Variants in S100A7A observed in about 807,000 individuals in gnomAD.
The protein encoded by S100A7A is protein S100-A7A.
A neutral mutation model predicts 4.0 loss-of-function variants in S100A7A; 5 were observed. The ratio of observed to expected loss-of-function variants is 1.26; its 90% CI spans 0.66 to 2.66. S100A7A has a LOEUF of 2.66. Among genes scored for constraint, S100A7A ranks in the 30% most tolerant of loss-of-function variants. The probability of loss-of-function intolerance (pLI) is 0.01; values close to 1 mark genes in which losing one functional copy is unlikely to be tolerated. For synonymous variants in S100A7A, 52 were observed against 46.4 expected (o/e 1.12, Z -0.49); for missense variants, 159 against 125.1 (o/e 1.27, Z -1.29).
In S100A7A at chr1:153,418,233, G is replaced by T. The variant is rs202015456; in HGVS notation, c.141+10G>T. ...TTTCCTCAGTGCCTGTGTGAGTTGG[G>T]GTCTAGCTTCTCAATGTTGGTTGGA... On this transcript the variant is annotated intron_variant, in intron 2 of 2. Coordinates refer to ENST00000368729, the MANE Select transcript of S100A7A (RefSeq NM_176823.4). 2.2e-3 allele frequency: 3,568 copies of T among 1,612,742 alleles called. 75 individuals are homozygous for T. In the South Asian group the frequency reaches 0.024, roughly 11 times the overall value.
rs1479551726 is a variant in S100A7A, at chr1:153,419,991, C to T, written c.*682C>T. 1 of 152,558 alleles carries T rather than the reference C, an allele frequency of 6.6e-6. No individual in the cohort carries two copies. The highest frequency in any genetic ancestry group is 1.5e-5 in the Non-Finnish European group (1 of 68,240). The allele number at this position is 152,558 out of a possible 1,614,324, so 9.5% of individuals were successfully genotyped here. On this transcript the variant is annotated 3_prime_UTR_variant, in exon 3 of 3. Transcript: ENST00000368729. ...GGAGTCACTGTGATGCTTAGCTGTC[C>T]TAAATGATGGTTTGCTCAATGCCAG...
At position 153,420,659 on chromosome 1, in the gene S100A7A, T is replaced by C. The variant is rs1288117302; in HGVS notation, c.*1350T>C. On this transcript the variant is annotated 3_prime_UTR_variant, in exon 3 of 3. Coordinates refer to ENST00000368729, the MANE Select transcript of S100A7A (RefSeq NM_176823.4). ...GAACATATTCTGCACCTCGTCAGCC[T>C]TCAGGACTGATCTGCCATTTTCACC... The C allele has an allele frequency of 6.6e-6, 1 of 152,330 alleles. No individual in the cohort carries two copies. The highest frequency in any genetic ancestry group is 2.4e-5 in the African/African-American group (1 of 41,462). 9.4% of individuals were successfully genotyped at this position (152,330 alleles called of 1,614,324 possible).
rs1456682483 is a variant in S100A7A at position 153,419,533 on chromosome 1, G to T, written c.*224G>T. 27 of 582,148 alleles carry T rather than the reference G, an allele frequency of 4.6e-5. No homozygotes were observed. Among genetic ancestry groups the T allele is most frequent in the East Asian group, 3.7e-4 (13 of 34,672 alleles). 36.1% of individuals were successfully genotyped at this position (582,148 alleles called of 1,614,324 possible). On this transcript the variant is annotated 3_prime_UTR_variant, in exon 3 of 3. Coordinates refer to ENST00000368729, the MANE Select transcript of S100A7A (RefSeq NM_176823.4). The stretch of plus-strand genomic sequence containing the variant: ...CTATGGCCTCCAGCAGAGCTGATCT[G>T]CCTCTCACACAGGTCCTGGTGTCTG...
chr1:153,418,938 T>A (rs564964170), intron 2 of S100A7A, among the ~76,000 whole-genome samples: 1 of 152,212 alleles, frequency 6.6e-6, no homozygotes, highest in Non-Finnish European at 1.5e-5. Context: ...TCCTGAGGTG[T>A]GAGACAAAAA....
At position 153,421,284 on chromosome 1, in the gene S100A7A, A is replaced by G. The variant is rs1476414666; in HGVS notation, c.*1975A>G. ...GTGAACCACCATCCCTTCACCCCAA[A>G]GAAATGATCTCTGCTTCATTTGTGC... On this transcript the variant is annotated 3_prime_UTR_variant, in exon 3 of 3. Transcript: ENST00000368729. 1 of 152,212 alleles carries G rather than the reference A, an allele frequency of 6.6e-6. No homozygotes were observed. Among genetic ancestry groups the G allele is most frequent in the Non-Finnish European group, 1.5e-5 (1 of 68,044 alleles). The allele number at this position is 152,212 out of a possible 1,614,324, so 9.4% of individuals were successfully genotyped here. A position where few individuals can be genotyped will look rare whatever the true frequency, so the allele number is the denominator to read the frequency against.
At position 153,421,331 on chromosome 1, in the gene S100A7A, C is replaced by T. The variant is rs927204294; in HGVS notation, c.*2022C>T. On this transcript the variant is annotated 3_prime_UTR_variant, in exon 3 of 3. Coordinates refer to ENST00000368729, the MANE Select transcript of S100A7A (RefSeq NM_176823.4). ...GTGCCTCCCTCACCATGACCCCACT[C>T]TTACCATAGTGGCTACATTACTTCA... is the stretch of plus-strand genomic sequence containing the variant. 1.6e-4 allele frequency: 25 copies of T among 152,232 alleles called. No individual in the cohort carries two copies. The highest frequency in any genetic ancestry group is 6.0e-4 in the African/African-American group (25 of 41,446). The allele number at this position is 152,232 out of a possible 1,614,324, so 9.4% of individuals were successfully genotyped here.
In S100A7A at chr1:153,418,224, G is replaced by A. The variant is rs751182591; in HGVS notation, c.141+1G>A. The A allele has an allele frequency of 3.1e-6, 5 of 1,613,856 alleles. No individual in the cohort carries two copies. The South Asian group carries it at 4.4e-5, about 14-fold the overall frequency. On this transcript the variant is annotated splice_donor_variant, in intron 2 of 2. Coordinates refer to ENST00000368729, the MANE Select transcript of S100A7A (RefSeq NM_176823.4). LOFTEE classifies it high-confidence loss of function. ...CTTCCCCAATTTCCTCAGTGCCTGT[G>A]TGAGTTGGGGTCTAGCTTCTCAATG...
rs951761803 is a variant in S100A7A, at chr1:153,420,697, T to C, written c.*1388T>C. 2.0e-5 allele frequency: 3 copies of C among 152,276 alleles called. No homozygotes were observed. The highest frequency in any genetic ancestry group is 4.4e-5 in the Non-Finnish European group (3 of 68,114). 9.4% of individuals were successfully genotyped at this position (152,276 alleles called of 1,614,324 possible). The stretch of plus-strand genomic sequence containing the variant: ...TGCCATTTTCACCTCTAAATCCCCA[T>C]GTCTGACCATTAGTTTTCTTCTCTT... On this transcript the variant is annotated 3_prime_UTR_variant, in exon 3 of 3. Transcript: ENST00000368729.
chr1:153,418,169 G>A lies in S100A7A; in HGVS notation c.87G>A (p.Lys29=). Residue 29 remains lysine, a synonymous_variant, in exon 2 of 3, where the codon AAG becomes AAA. Transcript: ENST00000368729. The stretch of plus-strand genomic sequence containing the variant: ...CCGGACGTGATGGCAAGATTGAGAA[G>A]CCAAGCCTGCTGACGATGATGAAGG... The part of the protein sequence containing the change: ...KYTGRDGKIE[K]PSLLTMMKEN... 3.7e-6 allele frequency: 6 copies of A among 1,614,074 alleles called. No individual in the cohort carries two copies. Among genetic ancestry groups the A allele is most frequent in the Non-Finnish European group, 5.1e-6 (6 of 1,179,948 alleles).
rs753455512 is a variant in S100A7A at position 153,418,104 on chromosome 1, A to G, written c.22A>G (p.Arg8Gly). The G allele has an allele frequency of 6.2e-7, 1 of 1,614,202 alleles. No individual in the cohort carries two copies. Among genetic ancestry groups the G allele is most frequent in the Non-Finnish European group, 8.5e-7 (1 of 1,180,018 alleles). MSNTQAE[R>G]SIIGMIDMFH... ...AAAGATGAGCAACACTCAAGCTGAG[A>G]GGTCCATAATAGGCATGATCGACAT... The change falls in exon 2 of 3, where the codon AGG becomes GGG. Residue 8 changes from arginine (R) to glycine (G), a missense_variant. Arg to Gly is a moderately radical substitution (Grantham distance 125). Coordinates refer to ENST00000368729, the MANE Select transcript of S100A7A (RefSeq NM_176823.4).
At chr1:153,418,826 G>A (rs912217474) in intron 2 of S100A7A, among the ~76,000 whole-genome samples, 3 of 152,190 alleles carry the variant, frequency 2.0e-5, no homozygotes, top group Admixed American at 2.0e-4. Flanking sequence ...AAGGTAGGCA[G>A]TGCCCTTAAA....
In S100A7A at chr1:153,420,483, T is replaced by C. The variant is rs1662872549; in HGVS notation, c.*1174T>C. ...CAGGCAAACATTCTTCTTGGAGGAATCAGGCAAACATCTCAAAAATTCTCT... is the reference window on the plus strand; with the variant it reads ...CAGGCAAACATTCTTCTTGGAGGAACCAGGCAAACATCTCAAAAATTCTCT... On this transcript the variant is annotated 3_prime_UTR_variant, in exon 3 of 3. Transcript: ENST00000368729. 6.6e-6 allele frequency: 1 copy of C among 152,314 alleles called. No homozygotes were observed. Among genetic ancestry groups the C allele is most frequent in the Non-Finnish European group, 1.5e-5 (1 of 68,140 alleles). The allele number at this position is 152,314 out of a possible 1,614,324, so 9.4% of individuals were successfully genotyped here.
intron 1 of S100A7A, among the ~76,000 whole-genome samples, chr1:153,417,044 T>G (rs1353634790): frequency 6.6e-6 from 1 of 152,270 alleles, no homozygotes; most frequent in African/African-American, 2.4e-5. Flanking sequence ...GGCCTTGGCC[T>G]TGGCCTCAGA....
At position 153,419,510 on chromosome 1, in the gene S100A7A, A is replaced by G. The variant is rs1452354425; in HGVS notation, c.*201A>G. ...ATGTCCCTCCAGCAACGTTCCCCCT[A>G]TGGCCTCCAGCAGAGCTGATCTGCC... On this transcript the variant is annotated 3_prime_UTR_variant, in exon 3 of 3. Coordinates refer to ENST00000368729, the MANE Select transcript of S100A7A (RefSeq NM_176823.4). The G allele has an allele frequency of 1.6e-6, 1 of 625,082 alleles. No homozygotes were observed. Among genetic ancestry groups the G allele is most frequent in the East Asian group, 2.8e-5 (1 of 35,850 alleles). 38.7% of individuals were successfully genotyped at this position (625,082 alleles called of 1,614,324 possible). A position where few individuals can be genotyped will look rare whatever the true frequency, so the allele number is the denominator to read the frequency against.
In S100A7A at chr1:153,417,600, G is replaced by T. The variant is rs113019764; in HGVS notation, c.-17-466G>T. ...AGTCAAGGTGGGGCCCACGGTGTCT[G>T]GTTCCTGAAGCAGCCGAGGAGGGTC... On this transcript the variant is annotated intron_variant, in intron 1 of 2. Coordinates refer to ENST00000368729, the MANE Select transcript of S100A7A (RefSeq NM_176823.4). 2.6e-3 allele frequency among the ~76,000 whole-genome samples: 394 copies of T among 152,306 alleles called. 2 individuals are homozygous for T. The highest frequency in any genetic ancestry group is 9.1e-3 in the African/African-American group (380 of 41,568).
At position 153,419,349 on chromosome 1, in the gene S100A7A, A is replaced by T. The variant is rs1662835382; in HGVS notation, c.*40A>T. On this transcript the variant is annotated 3_prime_UTR_variant, in exon 3 of 3. Transcript: ENST00000368729. ...GGGGCCTCCAGAGACCCCAGGAACA[A>T]TAAGTGTCTCCTCCCACCAGACACT... is the stretch of plus-strand genomic sequence containing the variant. 6.3e-7 allele frequency: 1 copy of T among 1,585,450 alleles called. No individual in the cohort carries two copies. Among genetic ancestry groups the T allele is most frequent in the African/African-American group, 1.4e-5 (1 of 73,620 alleles).
In S100A7A at chr1:153,421,149, C is replaced by T. The variant is rs1662889272; in HGVS notation, c.*1840C>T. 2.0e-5 allele frequency: 3 copies of T among 152,358 alleles called. No individual in the cohort carries two copies. The highest frequency in any genetic ancestry group is 2.0e-4 in the Admixed American group (3 of 15,298). The allele number at this position is 152,358 out of a possible 1,614,324, so 9.4% of individuals were successfully genotyped here. On this transcript the variant is annotated 3_prime_UTR_variant, in exon 3 of 3. Transcript: ENST00000368729. ...CAGTATTTCATGTCTCAATACCAAT[C>T]TTTTAAACTACTGCCTCTACCAGAA...
Position 153,420,020 on chromosome 1 carries a change from T to G in S100A7A, c.*711T>G, listed in dbSNP as rs1662855173. The G allele has an allele frequency of 6.6e-6, 1 of 152,432 alleles. No homozygotes were observed. The highest frequency in any genetic ancestry group is 1.5e-5 in the Non-Finnish European group (1 of 68,136). The allele number at this position is 152,432 out of a possible 1,614,324, so 9.4% of individuals were successfully genotyped here. A position where few individuals can be genotyped will look rare whatever the true frequency, so the allele number is the denominator to read the frequency against. On this transcript the variant is annotated 3_prime_UTR_variant, in exon 3 of 3. Transcript: ENST00000368729. ...ATGATGGTTTGCTCAATGCCAGGAC[T>G]GGGTTTCTGGTGATGAATGAATATT...
chr1:153,417,309 C>G (rs988406218), intron 1 of S100A7A: 2 of 152,208 alleles, frequency 1.3e-5, no homozygotes, highest in East Asian at 1.9e-4. Flanking sequence ...CAGGGTCAAC[C>G]CTTGGTGATT....
Sources: allele counts gnomAD v4.1 joint callset (sites outside exome capture counted in the v4.1 genomes callset), GRCh38; gene constraint gnomAD v4.1.1; transcripts MANE v1.5; gene names NCBI Gene and HGNC (gene_info 2026-07-23, HGNC 2026-07-21).